DNMT3A: variants seen among roughly 807,000 people sequenced by gnomAD.
DNMT3A encodes DNA (cytosine-5)-methyltransferase 3A.
DNMT3A carries 267 observed loss-of-function variants against 117.6 expected under a neutral mutation model. The observed-to-expected ratio is 2.27, with a 90% CI of 2.05 to 2.51. DNMT3A has a LOEUF of 2.51. Ranked by LOEUF, DNMT3A falls within the 30% of genes most tolerant of loss-of-function variation. The probability of loss-of-function intolerance (pLI) is 0.00; values close to 1 mark genes in which losing one functional copy is unlikely to be tolerated. For missense variants in DNMT3A, 1,029 were observed against 1,260.2 expected (o/e 0.82, Z 2.78); for synonymous variants, 432 against 474.8 (o/e 0.91, Z 1.17).
intron 6 of DNMT3A, chr2:25,249,538 T>C: frequency 8.8e-7 from 1 of 1,132,718 alleles, no homozygotes; most frequent in South Asian, 1.3e-5. Flanking sequence ...AATACATGTA[T>C]TCATTCAGTT....
chr2:25,252,295 G>T lies in DNMT3A; in HGVS notation c.640-4043C>A. ...CCGTCTTGGGGGAGGGGAAGGGGGCGATGGGGCTGGGGGCGGAGGGGGCCA... is the reference window on the plus strand; with the variant it reads ...CCGTCTTGGGGGAGGGGAAGGGGGCTATGGGGCTGGGGGCGGAGGGGGCCA... On this transcript the variant is annotated intron_variant, in intron 6 of 22. Transcript: ENST00000321117. The surrounding 1 kb of genome is among the most constrained non-coding windows in gnomAD (Gnocchi z 5.5). 1.8e-6 allele frequency: 1 copy of T among 555,254 alleles called. No homozygotes were observed. The highest frequency in any genetic ancestry group is 3.0e-6 in the Non-Finnish European group (1 of 338,842). The allele number at this position is 555,254 out of a possible 1,614,324, so 34.4% of individuals were successfully genotyped here. A position where few individuals can be genotyped will look rare whatever the true frequency, so the allele number is the denominator to read the frequency against.
chr2:25,250,550 T>C (rs374616972), intron 6 of DNMT3A, among the ~76,000 whole-genome samples: 53 of 152,270 alleles, frequency 3.5e-4, no homozygotes, highest in African/African-American at 1.2e-3. Flanking sequence ...CCCTTCCTAC[T>C]ATCAATTAGC....
Position 25,237,111 on chromosome 2 carries a change from G to GTAAGA in DNMT3A, c.2409-111_2409-107dup. Reference sequence around the variant, plus strand: ...CCCCCAGCAGCCACTAGTTCACAGGGTAAGAGCCCCTTCCCCAAATCACGC... The same window carrying GTAAGA: ...CCCCCAGCAGCCACTAGTTCACAGGGTAAGATAAGAGCCCCTTCCCCAAATCACGC... On this transcript the variant is annotated intron_variant, in intron 20 of 22. Transcript: ENST00000321117. The surrounding 1 kb of genome is among the most constrained non-coding windows in gnomAD (Gnocchi z 5.4). 8.9e-7 allele frequency: 1 copy of GTAAGA among 1,121,600 alleles called. No homozygotes were observed. The allele number at this position is 1,121,600 out of a possible 1,614,324, so 69.5% of individuals were successfully genotyped here. A position where few individuals can be genotyped will look rare whatever the true frequency, so the allele number is the denominator to read the frequency against.
At chr2:25,314,340 C>G (rs376685037) in intron 1 of DNMT3A, 179 bp from the exon 2 acceptor site, 1 of 985,356 alleles carries the variant, frequency 1.0e-6, no homozygotes, top group Non-Finnish European at 1.2e-6. Context: ...ACCTCCTACC[C>G]CAGCAGCCTC....
At position 25,247,536 on chromosome 2, in the gene DNMT3A, C is replaced by T; in HGVS notation, c.1014+55G>A. 2 of 1,593,270 alleles carry T rather than the reference C, an allele frequency of 1.3e-6. No individual in the cohort carries two copies. The highest frequency in any genetic ancestry group is 2.3e-5 in the South Asian group (2 of 88,238). On this transcript the variant is annotated intron_variant, in intron 8 of 22. Transcript: ENST00000321117. The surrounding 1 kb of genome is among the most constrained non-coding windows in gnomAD (Gnocchi z 5.6). ...ACTGCCCCCAGCCAAAACCACAGGCCCTGGGATCAAGAACCTTCCCCCACC... is the reference window on the plus strand; with the variant it reads ...ACTGCCCCCAGCCAAAACCACAGGCTCTGGGATCAAGAACCTTCCCCCACC...
At chr2:25,240,604 C>G in intron 18 of DNMT3A, 36 bp downstream of exon 18, 1 of 1,611,450 alleles carries the variant, frequency 6.2e-7, no homozygotes, top group Non-Finnish European at 8.5e-7. Context: ...GCGGAAGCAC[C>G]AGCTGAGAAG....
chr2:25,317,080 AG>A (rs2034411875), intron 1 of DNMT3A, among the ~76,000 whole-genome samples: 2 of 152,232 alleles, frequency 1.3e-5, no homozygotes, highest in African/African-American at 4.8e-5. Flanking sequence ...TGTTTAGAGC[AG>A]GTTCTTGCTC....
intron 6 of DNMT3A, among the ~76,000 whole-genome samples, chr2:25,264,818 C>G (rs1009725900): frequency 6.6e-6 from 1 of 152,036 alleles, no homozygotes; most frequent in Admixed American, 6.6e-5. Flanking sequence ...GACGTATATG[C>G]GAGGTCTGAG....
At position 25,314,014 on chromosome 2, in the gene DNMT3A, G is replaced by C. The variant is rs888648144; in HGVS notation, c.-30C>G. 2.6e-6 allele frequency: 4 copies of C among 1,522,180 alleles called. No individual in the cohort carries two copies. In the East Asian group the frequency reaches 9.8e-5, roughly 37 times the overall value. The allele number at this position is 1,522,180 out of a possible 1,614,324, so 94.3% of individuals were successfully genotyped here. On this transcript the variant is annotated 5_prime_UTR_variant, in exon 2 of 23. Coordinates refer to ENST00000321117, the MANE Select transcript of DNMT3A (RefSeq NM_022552.5). ...GCGCCGGGAGGCAGGCTGGGGCTGC[G>C]CGGGGCTGGGGGGCTGCTGGGCTTT...
intron 3 of DNMT3A, among the ~76,000 whole-genome samples, chr2:25,287,220 C>T (rs1032674828): frequency 1.2e-4 from 18 of 151,972 alleles, no homozygotes; most frequent in African/African-American, 3.1e-4. Context: ...TTGGGGGTGC[C>T]GACCATTCTA....
chr2:25,288,260 C>A (rs1334458008), intron 3 of DNMT3A, among the ~76,000 whole-genome samples: 1 of 151,228 alleles, frequency 6.6e-6, no homozygotes, highest in Non-Finnish European at 1.5e-5. Flanking sequence ...TGGTGAAACC[C>A]CGAATCTACT....
rs1558746480 is a variant in DNMT3A, at chr2:25,329,676, CACACA to C, written c.-178+12145_-178+12149del. Among the ~76,000 whole-genome samples the C allele has an allele frequency of 9.0e-4, 30 of 33,366 alleles. 3 individuals carry two copies. Among genetic ancestry groups the C allele is most frequent in the African/African-American group, 1.3e-3 (26 of 19,782 alleles). The allele number at this position is 33,366 out of a possible 152,430, so 21.9% of individuals were successfully genotyped here. ...GTCTCTCACAGTCATGCAGACCCCA[CACACA>C]CACACACACACACACACACACACAC... On this transcript the variant is annotated intron_variant, in intron 1 of 22. Coordinates refer to ENST00000321117, the MANE Select transcript of DNMT3A (RefSeq NM_022552.5).
rs375942592 is a variant in DNMT3A at position 25,275,594 on chromosome 2, T to C, written c.449-51A>G. On this transcript the variant is annotated intron_variant, in intron 4 of 22. Transcript: ENST00000321117. ...CCAGTTCGTTGGTCGGCAGAATTAC[T>C]GGAGTGGCTCACAGGCCCCACCTTG... is the stretch of plus-strand genomic sequence containing the variant. 93 of 1,544,222 alleles carry C rather than the reference T, an allele frequency of 6.0e-5. No homozygotes were observed. The Middle Eastern group carries it at 6.9e-4, about 11-fold the overall frequency.
chr2:25,329,673 C>CACACACACACACACA (rs2034934868), intron 1 of DNMT3A, among the ~76,000 whole-genome samples: 1 of 138,394 alleles, frequency 7.2e-6, no homozygotes, highest in South Asian at 2.2e-4. Flanking sequence ...CATGCAGACC[C>CACACACACACACACA]CACACACACA....
In DNMT3A at chr2:25,304,081, C is replaced by T. The variant is rs551953332; in HGVS notation, c.73-3838G>A. 3.9e-5 allele frequency among the ~76,000 whole-genome samples: 6 copies of T among 152,236 alleles called. No individual in the cohort carries two copies. Among genetic ancestry groups the T allele is most frequent in the South Asian group, 2.1e-4 (1 of 4,818 alleles). ...ACAGCTGAAGAACAGTAACACAGTTCGCGGGAACAGATTTGAGCCCAGGTT... is the reference window on the plus strand; with the variant it reads ...ACAGCTGAAGAACAGTAACACAGTTTGCGGGAACAGATTTGAGCCCAGGTT... On this transcript the variant is annotated intron_variant, in intron 2 of 22. Transcript: ENST00000321117. This position sits in a 1 kb window ranked among gnomAD's most constrained non-coding sequence, Gnocchi z 4.3.
chr2:25,276,483 C>G (rs1249430917), intron 4 of DNMT3A, among the ~76,000 whole-genome samples: 1 of 152,214 alleles, frequency 6.6e-6, no homozygotes, highest in Non-Finnish European at 1.5e-5. Flanking sequence ...CAGGTCCTGG[C>G]AGGGAAGTCT....
intron 18 of DNMT3A, 74 bp downstream of exon 18, chr2:25,240,566 C>G: frequency 4.4e-6 from 7 of 1,600,634 alleles, no homozygotes; most frequent in Non-Finnish European, 6.0e-6. Flanking sequence ...TGTCCCAGGG[C>G]AGAAATATCC....
At position 25,282,743 on chromosome 2, in the gene DNMT3A, G is replaced by A. The variant is rs761503900; in HGVS notation, c.178-32C>T. On this transcript the variant is annotated intron_variant, in intron 3 of 22. Transcript: ENST00000321117. This position sits in a 1 kb window ranked among gnomAD's most constrained non-coding sequence, Gnocchi z 5.2. ...ATGTAAGAAAGATACACAAGAGGAG[G>A]GTTAGATCAGTGGGCTTAGCCTGTT... 1 of 1,505,880 alleles carries A rather than the reference G, an allele frequency of 6.6e-7. No individual in the cohort carries two copies. The highest frequency in any genetic ancestry group is 8.9e-7 in the Non-Finnish European group (1 of 1,127,210). The allele number at this position is 1,505,880 out of a possible 1,614,324, so 93.3% of individuals were successfully genotyped here.
At chr2:25,341,041 C>A (rs1431800204) in intron 1 of DNMT3A, among the ~76,000 whole-genome samples, 4 of 146,308 alleles carry the variant, frequency 2.7e-5, no homozygotes, top group Non-Finnish European at 6.1e-5. Context: ...GGGCGCTCTC[C>A]CCGGCCCCGC....
Sources: gnomAD v4.1 joint callset for allele counts (sites outside exome capture counted in the v4.1 genomes callset) on GRCh38, gnomAD v4.1.1 for gene constraint, Gnocchi (gnomAD v3.1) non-coding constraint, MANE v1.5 for transcripts, NCBI Gene and HGNC (gene_info 2026-07-23, HGNC 2026-07-21) for gene names.